SPAG7: variants seen among roughly 807,000 people sequenced by gnomAD.
The protein encoded by SPAG7 is sperm associated antigen 7, also known as sperm-associated antigen 7.
A neutral mutation model predicts 30.6 loss-of-function variants in SPAG7; 20 were observed. The observed-to-expected ratio is 0.65, with a 90% CI of 0.46 to 0.95. SPAG7 has a LOEUF of 0.95. SPAG7 is among the 40% of genes least tolerant of loss of function. The pLI, the probability that SPAG7 is intolerant of heterozygous loss-of-function variation, is 0.00. For missense variants in SPAG7, 276 were observed against 291.1 expected, an observed-to-expected ratio of 0.95 and a Z score of 0.38; for synonymous variants, 127 against 104.2, an observed-to-expected ratio of 1.22 and a Z score of -1.33.
Position 4,959,375 on chromosome 17 carries a change from A to G in SPAG7, c.*159T>C, listed in dbSNP as rs1971818802. On this transcript the variant is annotated 3_prime_UTR_variant, in exon 7 of 7. Transcript: ENST00000206020. ...CATGCCACGCACATATCCAAGCTCC[A>G]ACGGTGACAAATCAAACACCTGTTT... is the stretch of plus-strand genomic sequence containing the variant. The G allele has an allele frequency of 4.8e-6, 3 of 629,484 alleles. No homozygotes were observed. Among genetic ancestry groups the G allele is most frequent in the Admixed American group, 2.7e-5 (1 of 36,546 alleles). 39.0% of individuals were successfully genotyped at this position (629,484 alleles called of 1,614,324 possible).
chr17:4,966,621 C>T (rs2151149725), intron 1 of SPAG7: 1 of 985,406 alleles, frequency 1.0e-6, no homozygotes, highest in African/African-American at 1.7e-5. Context: ...GATCTCGGCT[C>T]ACTGCAGATT....
intron 4 of SPAG7, 24 bp from the exon 5 acceptor site, chr17:4,960,135 G>A (rs1396744180): frequency 3.7e-6 from 6 of 1,603,440 alleles, no homozygotes; most frequent in African/African-American, 1.3e-5. Flanking sequence ...GAATGATGGG[G>A]TCAGAGTCCA....
intron 1 of SPAG7, among the ~76,000 whole-genome samples, chr17:4,963,119 G>A (rs1000999789): frequency 3.3e-5 from 5 of 152,038 alleles, no homozygotes; most frequent in African/African-American, 4.8e-5. Context: ...TGGGCTGAGC[G>A]TGGTGGCTTA....
In SPAG7 at chr17:4,959,361, C is replaced by A; in HGVS notation, c.*173G>T. 1 of 612,776 alleles carries A rather than the reference C, an allele frequency of 1.6e-6. No individual in the cohort carries two copies. 38.0% of individuals were successfully genotyped at this position (612,776 alleles called of 1,614,324 possible). On this transcript the variant is annotated 3_prime_UTR_variant, in exon 7 of 7. Coordinates refer to ENST00000206020, the MANE Select transcript of SPAG7 (RefSeq NM_004890.3). ...CACACACACACACACATGCCACGCA[C>A]ATATCCAAGCTCCAACGGTGACAAA...
In SPAG7 at chr17:4,960,819, T is replaced by C. The variant is rs61749470; in HGVS notation, c.120A>G (p.Gln40=). ...GAAACTCCACTTTCTGTTGTTTCTCTTGCTCTTGTAGTTTCTTCAGGCGGG... is the reference window on the plus strand; with the variant it reads ...GAAACTCCACTTTCTGTTGTTTCTCCTGCTCTTGTAGTTTCTTCAGGCGGG... ...QAARLKKLQE[Q]EKQQKVEFRK... is the part of the protein sequence containing the mutation. The change falls in exon 2 of 7, where the codon CAA becomes CAG. Residue 40 remains glutamine, a synonymous_variant. Transcript: ENST00000206020. 57,823 of 1,614,012 alleles carry C rather than the reference T, an allele frequency of 0.036. 1,189 individuals are homozygous for C. Among genetic ancestry groups the C allele is most frequent in the Non-Finnish European group, 0.04 (47,478 of 1,179,884 alleles).
At position 4,964,392 on chromosome 17, in the gene SPAG7, C is replaced by T. The variant is rs1311496724; in HGVS notation, c.85+3328G>A. 8.0e-5 allele frequency among the ~76,000 whole-genome samples: 11 copies of T among 137,694 alleles called. No individual in the cohort carries two copies. The South Asian group carries it at 2.5e-3, about 31-fold the overall frequency. 90.3% of individuals were successfully genotyped at this position (137,694 alleles called of 152,430 possible). ...TTTTTTTTTTTTTGAGACGGAGTCT[C>T]GCTCTGTCGCCCAGGCTGGAGTGCA... On this transcript the variant is annotated intron_variant, in intron 1 of 6. Transcript: ENST00000206020.
Position 4,960,440 on chromosome 17 carries a change from C to T in SPAG7, c.242+19G>A. 6.2e-7 allele frequency: 1 copy of T among 1,607,926 alleles called. No homozygotes were observed. Among genetic ancestry groups the T allele is most frequent in the Non-Finnish European group, 8.5e-7 (1 of 1,175,208 alleles). On this transcript the variant is annotated intron_variant, in intron 3 of 6. Coordinates refer to ENST00000206020, the MANE Select transcript of SPAG7 (RefSeq NM_004890.3). ...GCTAGCCACCCATTTCCTTCCTCCC[C>T]CAGCCCAGGGACACTCACAGTATGC...
chr17:4,963,615 C>T (rs936349998), intron 1 of SPAG7, among the ~76,000 whole-genome samples: 11 of 151,952 alleles, frequency 7.2e-5, no homozygotes, highest in African/African-American at 2.4e-4. Flanking sequence ...TGTGCCACCA[C>T]GCCCAGCTAA....
chr17:4,960,744 G>A (rs745827353), intron 2 of SPAG7, 42 bp downstream of exon 2: 1 of 1,581,252 alleles, frequency 6.3e-7, no homozygotes, highest in South Asian at 1.1e-5. Flanking sequence ...CTTATTGGAA[G>A]TCCTTCCTGA....
intron 3 of SPAG7, 66 bp downstream of exon 3, chr17:4,960,393 C>A: frequency 6.3e-7 from 1 of 1,597,310 alleles, no homozygotes; most frequent in Non-Finnish European, 8.6e-7. Flanking sequence ...GGAGGAGCCC[C>A]CCGCTGGCCC....
chr17:4,960,373 G>T, intron 3 of SPAG7, 55 bp from the exon 4 acceptor site: 1 of 1,601,070 alleles, frequency 6.2e-7, no homozygotes, highest in Non-Finnish European at 8.6e-7. Context: ...CGGGCCTAGT[G>T]CCCTCCTCTG....
intron 5 of SPAG7, 33 bp downstream of exon 5, chr17:4,959,989 T>C: frequency 1.9e-6 from 3 of 1,613,706 alleles, no homozygotes; most frequent in South Asian, 1.1e-5. Flanking sequence ...GTGGTGGGCT[T>C]CTGGACCCCA....
Position 4,967,813 on chromosome 17 carries a change from T to C in SPAG7, c.-9A>G. The C allele has an allele frequency of 1.2e-6, 2 of 1,606,094 alleles. No individual in the cohort carries two copies. Among genetic ancestry groups the C allele is most frequent in the African/African-American group, 1.3e-5 (1 of 74,672 alleles). ...CCCAGTAGGTCCGCCATCTTGGGAG[T>C]GACTGAGAGGGGGCGGTGCGTCTTA... is the stretch of plus-strand genomic sequence containing the variant. On this transcript the variant is annotated 5_prime_UTR_variant, in exon 1 of 7. Coordinates refer to ENST00000206020, the MANE Select transcript of SPAG7 (RefSeq NM_004890.3).
chr17:4,959,567 C>T lies in SPAG7; in HGVS notation c.651G>A (p.Arg217=). ...MNEIRAKKRL[R]QSGEELPPTS ...TTGGCGGCAACTCTTCCCCACTCTG[C>T]CGCAGACGCTTCTTGGCTCTGATCT... Residue 217 remains arginine, a synonymous_variant, in exon 7 of 7, where the codon CGG becomes CGA. Coordinates refer to ENST00000206020, the MANE Select transcript of SPAG7 (RefSeq NM_004890.3). 6.2e-7 allele frequency: 1 copy of T among 1,613,924 alleles called. No homozygotes were observed. Among genetic ancestry groups the T allele is most frequent in the South Asian group, 1.1e-5 (1 of 91,082 alleles).
chr17:4,967,791 A>G lies in SPAG7; in HGVS notation c.14T>C (p.Leu5Pro), dbSNP rs563134740. ...CTCCATGGAGCTCAGGATGGAGCCC[A>G]GTAGGTCCGCCATCTTGGGAGTGAC... The part of the protein sequence containing the change: MADL[L>P]GSILSSMEKP... Residue 5 changes from leucine to proline, a missense_variant, in exon 1 of 7, where the codon CTG (leucine) becomes CCG (proline). By Grantham distance (98) the Leu-to-Pro change is moderately conservative. Transcript: ENST00000206020. 3 of 1,613,718 alleles carry G rather than the reference A, an allele frequency of 1.9e-6. No homozygotes were observed. Among genetic ancestry groups the G allele is most frequent in the South Asian group, 2.2e-5 (2 of 91,072 alleles).
chr17:4,959,698 C>T (rs1567675675), intron 6 of SPAG7, 55 bp from the exon 7 acceptor site: 14 of 1,613,500 alleles, frequency 8.7e-6, no homozygotes, highest in Non-Finnish European at 1.1e-5. Context: ...TCAGCCTCCA[C>T]TGCCCTCCTG....
chr17:4,966,476 T>C (rs1971953682), intron 1 of SPAG7: 1 of 625,644 alleles, frequency 1.6e-6, no homozygotes, highest in Non-Finnish European at 2.0e-6. Context: ...ATCCCCCACT[T>C]AGACAGTCAT....
At chr17:4,962,638 TTTTA>T (rs918231220) in intron 1 of SPAG7, among the ~76,000 whole-genome samples, 1 of 151,886 alleles carries the variant, frequency 6.6e-6, no homozygotes, top group African/African-American at 2.4e-5. Context: ...AGGATGGTAT[TTTTA>T]TTTTATTTTA....
intron 1 of SPAG7, among the ~76,000 whole-genome samples, chr17:4,963,059 G>T (rs1182801295): frequency 6.6e-6 from 1 of 151,758 alleles, no homozygotes; most frequent in Non-Finnish European, 1.5e-5. Flanking sequence ...GAACCACCAT[G>T]CCTGGACTAT....
Sources: allele counts gnomAD v4.1 joint callset (sites outside exome capture counted in the v4.1 genomes callset), GRCh38; gene constraint gnomAD v4.1.1; transcripts MANE v1.5; gene names NCBI Gene and HGNC (gene_info 2026-07-23, HGNC 2026-07-21).